AKNA: variants seen among roughly 807,000 people sequenced by gnomAD.
AKNA encodes microtubule organization protein AKNA.
In AKNA, 67 loss-of-function variants were observed where a neutral mutation model predicts 138.8. That is an observed-to-expected ratio of 0.48 (90% CI 0.40 to 0.59). The LOEUF (loss-of-function observed/expected upper bound fraction) is 0.59. Among genes scored for constraint, AKNA ranks in the 20% least tolerant of loss-of-function variants. The probability of loss-of-function intolerance (pLI) is 0.00; values close to 1 mark genes in which losing one functional copy is unlikely to be tolerated. For synonymous variants in AKNA, 737 were observed against 754.4 expected (o/e 0.98, Z 0.38); for missense variants, 1,813 against 1,880.4 (o/e 0.96, Z 0.66).
At chr9:114,349,202 C>CG (rs1360485217) in intron 15 of AKNA, among the ~76,000 whole-genome samples, 1 of 152,222 alleles carries the variant, frequency 6.6e-6, no homozygotes, top group African/African-American at 2.4e-5. Context: ...CTTACCAGGC[C>CG]GGGGGCGTGA....
rs1829959425 is a variant in AKNA, at chr9:114,335,737, C to T, written c.*1317G>A. 1 of 142,508 alleles carries T rather than the reference C, an allele frequency of 7.0e-6. No individual in the cohort carries two copies. 8.8% of individuals were successfully genotyped at this position (142,508 alleles called of 1,614,324 possible). On this transcript the variant is annotated 3_prime_UTR_variant, in exon 22 of 22. Coordinates refer to ENST00000374088, the MANE Select transcript of AKNA (RefSeq NM_001317950.2). ...AGTGAGCCGAGATTCCACCACTGTA[C>T]CCCAGCCTGGGCAACCAGAGCAAAA...
At chr9:114,397,879 G>C (rs1418794428), upstream of AKNA, among the ~76,000 whole-genome samples, 1 of 152,214 alleles carries the variant, frequency 6.6e-6, no homozygotes. Flanking sequence ...AAGAGGAAAA[G>C]AAACTTGCGT....
At chr9:114,384,395 A>G (rs983678815) in intron 1 of AKNA, among the ~76,000 whole-genome samples, 5 of 152,334 alleles carry the variant, frequency 3.3e-5, no homozygotes, top group South Asian at 2.1e-4. Flanking sequence ...ACGTGGCAAA[A>G]GCCTGTCTCT....
downstream of AKNA, chr9:114,330,940 G>C: frequency 8.4e-7 from 1 of 1,190,606 alleles, no homozygotes; most frequent in Non-Finnish European, 1.2e-6. Context: ...TGGATGTAGA[G>C]CCCTGGAGGC....
At chr9:114,331,455 G>A (rs1829849666), downstream of AKNA, 1 of 821,604 alleles carries the variant, frequency 1.2e-6, no homozygotes. Context: ...GGAGACCCGG[G>A]CCTTCACTGA....
downstream of AKNA, chr9:114,331,500 T>C (rs1829850301): frequency 9.7e-6 from 13 of 1,336,532 alleles, no homozygotes; most frequent in Middle Eastern, 1.9e-4. Context: ...CTAGGACTCC[T>C]CACCTGTAAG....
chr9:114,385,653 C>T (rs562670426), intron 1 of AKNA, among the ~76,000 whole-genome samples: 51 of 152,214 alleles, frequency 3.4e-4, no homozygotes, highest in Non-Finnish European at 5.6e-4. Context: ...GGAAGGTGCA[C>T]GTCAGAGGCA....
At position 114,342,054 on chromosome 9, in the gene AKNA, C is replaced by A; in HGVS notation, c.3829G>T (p.Val1277Phe). 1.2e-6 allele frequency: 2 copies of A among 1,613,988 alleles called. No homozygotes were observed. The highest frequency in any genetic ancestry group is 1.7e-6 in the Non-Finnish European group (2 of 1,179,920). ...CCATCTGCCTCTGGGGGAGACCCAA[C>A]TTGACCACACAGGGGACACTGAAGG... ...DTLQCPLCGQ[V>F]GSPPEADGPG... Residue 1277 changes from valine (V) to phenylalanine (F), a missense_variant, in exon 20 of 22, where the codon GTT becomes TTT. By Grantham distance (50) the Val-to-Phe change is conservative. Transcript: ENST00000374088.
At chr9:114,346,337 G>T in intron 17 of AKNA, among the ~76,000 whole-genome samples, 1 of 152,284 alleles carries the variant, frequency 6.6e-6, no homozygotes, top group East Asian at 1.9e-4. Context: ...CGCTGATCCC[G>T]GCTACTGACT....
In AKNA at chr9:114,367,427, A is replaced by G. The variant is rs1042775837; in HGVS notation, c.1728+116T>C. 2.3e-6 allele frequency: 3 copies of G among 1,297,894 alleles called. No homozygotes were observed. In the African/African-American group the frequency reaches 4.4e-5, roughly 19 times the overall value. 80.4% of individuals were successfully genotyped at this position (1,297,894 alleles called of 1,614,324 possible). A position where few individuals can be genotyped will look rare whatever the true frequency, so the allele number is the denominator to read the frequency against. On this transcript the variant is annotated intron_variant, in intron 6 of 21. Coordinates refer to ENST00000374088, the MANE Select transcript of AKNA (RefSeq NM_001317950.2). ...GGGGATGGCTGAGTTAACTCGGTGC[A>G]GAGGCAGGGGAATGACAAGTGAGAC...
At chr9:114,368,645 C>G (rs763741315) in intron 4 of AKNA, 50 bp from the exon 5 acceptor site, 1 of 1,305,374 alleles carries the variant, frequency 7.7e-7, no homozygotes, top group African/African-American at 1.5e-5. Context: ...AGGGGCAAAC[C>G]CACCTGAAAC....
At chr9:114,386,156 C>T (rs1449605611) in intron 1 of AKNA, among the ~76,000 whole-genome samples, 2 of 152,190 alleles carry the variant, frequency 1.3e-5, no homozygotes, top group African/African-American at 4.8e-5. Context: ...TACTGAGCAC[C>T]CAGTGGGCGC....
intron 3 of AKNA, 100 bp downstream of exon 3, chr9:114,376,366 C>T: frequency 7.6e-7 from 1 of 1,313,960 alleles, no homozygotes; most frequent in Non-Finnish European, 1.1e-6. Flanking sequence ...GCCTCTCCAC[C>T]CCAGCCAGCC....
At position 114,367,646 on chromosome 9, in the gene AKNA, G is replaced by A; in HGVS notation, c.1625C>T (p.Pro542Leu). Reference sequence around the variant, plus strand: ...GTTCTCCGGAAGCCACCCCAGGGTGGGCATGCTGGTAAGCGAGGAGGGGCT... The same window carrying A: ...GTTCTCCGGAAGCCACCCCAGGGTGAGCATGCTGGTAAGCGAGGAGGGGCT... ...DLSPSSLTSM[P>L]TLGWLPENRD... The change falls in exon 6 of 22, where the codon CCC becomes CTC. Residue 542 changes from proline to leucine, a missense_variant. Coordinates refer to ENST00000374088, the MANE Select transcript of AKNA (RefSeq NM_001317950.2). 1 of 1,601,332 alleles carries A rather than the reference G, an allele frequency of 6.2e-7. No homozygotes were observed. Among genetic ancestry groups the A allele is most frequent in the South Asian group, 1.1e-5 (1 of 90,760 alleles).
chr9:114,368,401 G>C, intron 5 of AKNA, 38 bp downstream of exon 5: 10 of 1,310,696 alleles, frequency 7.6e-6, no homozygotes, highest in African/African-American at 1.5e-5. Context: ...ATCCCAGGCA[G>C]AAGGAGCCTC....
chr9:114,370,205 C>T (rs1003185136), intron 4 of AKNA, among the ~76,000 whole-genome samples: 1 of 152,240 alleles, frequency 6.6e-6, no homozygotes, highest in East Asian at 1.9e-4. Context: ...CCGCCTCCCC[C>T]TCTTTCAGGC....
chr9:114,332,099 G>A (rs1829863542), downstream of AKNA, among the ~76,000 whole-genome samples: 2 of 151,704 alleles, frequency 1.3e-5, no homozygotes, highest in African/African-American at 4.9e-5. Flanking sequence ...AGGCCCAGGG[G>A]TGGTGGATGA....
chr9:114,376,948 A>G lies in AKNA; in HGVS notation c.859T>C (p.Phe287Leu). 1 of 1,614,170 alleles carries G rather than the reference A, an allele frequency of 6.2e-7. No homozygotes were observed. The highest frequency in any genetic ancestry group is 8.5e-7 in the Non-Finnish European group (1 of 1,180,020). ...TDRWRRETTRFFCPQPKEHIW... is the reference protein window; with the variant it reads ...TDRWRRETTRLFCPQPKEHIW... Reference sequence around the variant, plus strand: ...TGTTCCTTGGGCTGAGGGCAGAAGAATCTGGTCGTTTCTCTCCTCCATCTA... The same window carrying G: ...TGTTCCTTGGGCTGAGGGCAGAAGAGTCTGGTCGTTTCTCTCCTCCATCTA... Residue 287 changes from phenylalanine to leucine, a missense_variant, in exon 3 of 22, where the codon TTC becomes CTC. Physicochemically the swap from Phe to Leu is conservative, Grantham distance 22. Coordinates refer to ENST00000374088, the MANE Select transcript of AKNA (RefSeq NM_001317950.2).
At chr9:114,392,802 C>T (rs1011325475), upstream of AKNA, among the ~76,000 whole-genome samples, 1 of 152,116 alleles carries the variant, frequency 6.6e-6, no homozygotes, top group African/African-American at 2.4e-5. Context: ...TCCCTGTGAC[C>T]CTCTTCCCTG....
Sources: gnomAD v4.1 joint callset for allele counts (sites outside exome capture counted in the v4.1 genomes callset) on GRCh38, gnomAD v4.1.1 for gene constraint, MANE v1.5 for transcripts, NCBI Gene and HGNC (gene_info 2026-07-23, HGNC 2026-07-21) for gene names.